Variants in IK observed in about 807,000 individuals in gnomAD.
IK encodes protein Red.
In IK, 47 loss-of-function variants were observed where a neutral mutation model predicts 90.9. The observed-to-expected ratio is 0.52, with a 90% CI of 0.41 to 0.66. IK has a LOEUF of 0.66. Among genes scored for constraint, IK ranks in the 30% least tolerant of loss-of-function variants. The pLI, the probability that IK is intolerant of heterozygous loss-of-function variation, is 0.00. For missense variants in IK, 385 were observed against 709.3 expected (o/e 0.54, Z 5.19); for synonymous variants, 201 against 227.5 (o/e 0.88, Z 1.05).
chr5:140,648,727 AG>A (rs1381196723), intron 2 of IK, among the ~76,000 whole-genome samples, 190 bp downstream of exon 2: 5 of 147,456 alleles, frequency 3.4e-5, no homozygotes, highest in Non-Finnish European at 7.4e-5. Context: ...AAATTCCTGC[AG>A]GAAAGGTGTT....
chr5:140,656,094 G>A, intron 9 of IK, 102 bp downstream of exon 9: 1 of 1,117,674 alleles, frequency 8.9e-7, no homozygotes, highest in Non-Finnish European at 1.3e-6. Context: ...ACCAAGTGCT[G>A]TTCACTTTTA....
At chr5:140,657,691 T>C in intron 10 of IK, 29 bp downstream of exon 10, 1 of 1,432,712 alleles carries the variant, frequency 7.0e-7, no homozygotes, top group Non-Finnish European at 9.8e-7. Context: ...AGAGAAGCCT[T>C]ACCCACAGAG....
chr5:140,652,017 C>T, intron 3 of IK, 71 bp from the exon 4 acceptor site: 1 of 1,237,030 alleles, frequency 8.1e-7, no homozygotes. Flanking sequence ...TAAAAATCCT[C>T]AAGGAGACTT....
intron 15 of IK, 54 bp downstream of exon 15, chr5:140,660,249 G>C: frequency 8.3e-7 from 1 of 1,208,230 alleles, no homozygotes; most frequent in African/African-American, 1.6e-5. Context: ...AAACAAGTTG[G>C]GGGTGAAATG....
At chr5:140,650,604 C>G (rs1581480267) in intron 2 of IK, among the ~76,000 whole-genome samples, 1 of 152,008 alleles carries the variant, frequency 6.6e-6, no homozygotes, top group South Asian at 2.1e-4. Flanking sequence ...GAGACAGAGT[C>G]TTGCTCTTTT....
chr5:140,657,335 T>G (rs1757729360), intron 9 of IK, among the ~76,000 whole-genome samples: 2 of 152,384 alleles, frequency 1.3e-5, no homozygotes, highest in South Asian at 4.1e-4. Context: ...CTTTCTAGAA[T>G]GTTCTAGACT....
At chr5:140,654,452 G>A in intron 6 of IK, 64 bp from the exon 7 acceptor site, 1 of 1,189,358 alleles carries the variant, frequency 8.4e-7, no homozygotes, top group Non-Finnish European at 1.2e-6. Flanking sequence ...GGTACAGTGT[G>A]GTGTAGTGGA....
chr5:140,660,708 A>C lies in IK; in HGVS notation c.1356-50A>C. 4 of 1,453,628 alleles carry C rather than the reference A, an allele frequency of 2.8e-6. No individual in the cohort carries two copies. The South Asian group carries it at 4.6e-5, about 17-fold the overall frequency. The allele number at this position is 1,453,628 out of a possible 1,614,324, so 90.0% of individuals were successfully genotyped here. On this transcript the variant is annotated intron_variant, in intron 15 of 19. Coordinates refer to ENST00000417647, the MANE Select transcript of IK (RefSeq NM_006083.4). Reference sequence around the variant, plus strand: ...CTTAGTCGGGTAGGTTTCCAGATGAAGCATAGGGTCAGGGTATGCAACATC... The same window carrying C: ...CTTAGTCGGGTAGGTTTCCAGATGACGCATAGGGTCAGGGTATGCAACATC...
rs1458605470 is a variant in IK, at chr5:140,660,210, G to C, written c.1355+15G>C. On this transcript the variant is annotated intron_variant, in intron 15 of 19. Coordinates refer to ENST00000417647, the MANE Select transcript of IK (RefSeq NM_006083.4). ...TACCCAGCCACGTATGTGAAACCTG[G>C]TTAAGGAAGGGAGGCTGGGATGATT... 7.6e-6 allele frequency: 12 copies of C among 1,587,682 alleles called. No individual in the cohort carries two copies. The highest frequency in any genetic ancestry group is 1.0e-5 in the Non-Finnish European group (12 of 1,156,942).
chr5:140,647,901 A>G lies in IK; in HGVS notation c.-8A>G. 8 of 1,614,016 alleles carry G rather than the reference A, an allele frequency of 5.0e-6. No individual in the cohort carries two copies. The highest frequency in any genetic ancestry group is 6.8e-6 in the Non-Finnish European group (8 of 1,179,892). On this transcript the variant is annotated 5_prime_UTR_variant, in exon 1 of 20. Transcript: ENST00000417647. Reference sequence around the variant, plus strand: ...GATTGTTGGTGACAGCGAAAGAACGATAACAAAATGCCGGAGCGAGATAGT... The same window carrying G: ...GATTGTTGGTGACAGCGAAAGAACGGTAACAAAATGCCGGAGCGAGATAGT...
intron 9 of IK, among the ~76,000 whole-genome samples, chr5:140,657,029 T>C (rs1290969212): frequency 6.6e-6 from 1 of 152,032 alleles, no homozygotes. Context: ...GGGCCAACAT[T>C]GTAAAACCTG....
intron 2 of IK, among the ~76,000 whole-genome samples, chr5:140,650,112 A>G (rs1390357820): frequency 6.6e-6 from 1 of 152,124 alleles, no homozygotes; most frequent in Non-Finnish European, 1.5e-5. Flanking sequence ...TTAACAAAGA[A>G]ATCAACCACC....
intron 9 of IK, among the ~76,000 whole-genome samples, chr5:140,656,739 C>T (rs919515049): frequency 3.3e-5 from 5 of 152,070 alleles, no homozygotes; most frequent in East Asian, 3.8e-4. Context: ...GTATCCATCC[C>T]GTTAAACATT....
At chr5:140,659,199 T>G in intron 12 of IK, 35 bp downstream of exon 12, 2 of 1,598,950 alleles carry the variant, frequency 1.3e-6, no homozygotes, top group Middle Eastern at 3.3e-4. Context: ...GGTGATGGAG[T>G]TGCCCCTCTC....
intron 5 of IK, among the ~76,000 whole-genome samples, chr5:140,653,508 G>A (rs1202897401): frequency 6.7e-6 from 1 of 149,572 alleles, no homozygotes; most frequent in African/African-American, 2.5e-5. Context: ...GGCTGGTCTC[G>A]ATCTGACCTC....
chr5:140,660,681 C>T, intron 15 of IK, 77 bp from the exon 16 acceptor site: 1 of 1,150,012 alleles, frequency 8.7e-7, no homozygotes, highest in Non-Finnish European at 1.3e-6. Context: ...TGCAGATAAC[C>T]TCTTAGTCGG....
intron 14 of IK, 85 bp from the exon 15 acceptor site, chr5:140,660,030 G>A: frequency 8.3e-7 from 1 of 1,200,718 alleles, no homozygotes; most frequent in Non-Finnish European, 1.2e-6. Flanking sequence ...TTCATGTTGG[G>A]GCTTCTAGCC....
chr5:140,648,183 C>G (rs1347524005), intron 1 of IK: 4 of 704,970 alleles, frequency 5.7e-6, no homozygotes, highest in South Asian at 3.0e-5. Flanking sequence ...CGCTTTCCCC[C>G]AGTCCTGTCC....
chr5:140,659,739 G>A lies in IK; in HGVS notation c.1196-17G>A, dbSNP rs1258665204. On this transcript the variant is annotated splice_polypyrimidine_tract_variant and intron_variant, in intron 13 of 19. Coordinates refer to ENST00000417647, the MANE Select transcript of IK (RefSeq NM_006083.4). The stretch of plus-strand genomic sequence containing the variant: ...AGCCTCAGTTCAAGGTCTGGGCTGA[G>A]TTCTCTTTTCTCCTAGGACCTGGGT... The A allele has an allele frequency of 6.4e-7, 1 of 1,558,710 alleles. No individual in the cohort carries two copies. Among genetic ancestry groups the A allele is most frequent in the Admixed American group, 1.8e-5 (1 of 54,426 alleles).
Sources: allele counts gnomAD v4.1 joint callset (sites outside exome capture counted in the v4.1 genomes callset), GRCh38; gene constraint gnomAD v4.1.1; transcripts MANE v1.5; gene names NCBI Gene and HGNC (gene_info 2026-07-23, HGNC 2026-07-21).